DAZAP1: variants seen among roughly 807,000 people sequenced by gnomAD.
DAZAP1 encodes DAZ-associated protein 1.
DAZAP1 carries 6 observed loss-of-function variants against 60.1 expected under a neutral mutation model. The observed-to-expected ratio is 0.10, with a 90% CI of 0.05 to 0.20. The LOEUF (loss-of-function observed/expected upper bound fraction) is 0.20. Ranked by LOEUF, DAZAP1 falls within the 10% of genes least tolerant of loss-of-function variation. The probability of loss-of-function intolerance (pLI) is 1.00; values close to 1 mark genes in which losing one functional copy is unlikely to be tolerated. For synonymous variants in DAZAP1, 235 were observed against 215.9 expected (o/e 1.09, Z -0.78); for missense variants, 366 against 560.4 (o/e 0.65, Z 3.50).
At chr19:1,431,546 C>G (rs2083453279) in intron 10 of DAZAP1, among the ~76,000 whole-genome samples, 1 of 152,154 alleles carries the variant, frequency 6.6e-6, no homozygotes, top group South Asian at 2.1e-4. Context: ...TCTCCTGCCT[C>G]AGTGTCCTGA....
chr19:1,424,407 C>T (rs2083254145), intron 6 of DAZAP1, among the ~76,000 whole-genome samples: 1 of 146,154 alleles, frequency 6.8e-6, no homozygotes, highest in African/African-American at 2.5e-5. Flanking sequence ...CACAGTCACG[C>T]TCAGGTGCAC....
intron 1 of DAZAP1, 95 bp downstream of exon 1, chr19:1,407,897 C>A (rs1460334812): frequency 4.0e-6 from 4 of 1,002,940 alleles, no homozygotes; most frequent in Non-Finnish European, 4.8e-6. Context: ...GGGGCCGCCC[C>A]GTCAAGGTCA....
chr19:1,410,369 A>G (rs746902592), intron 1 of DAZAP1, among the ~76,000 whole-genome samples: 14 of 152,250 alleles, frequency 9.2e-5, no homozygotes, highest in Middle Eastern at 3.4e-3. Flanking sequence ...TGTGATGGAC[A>G]GTGTCCTCCT....
At chr19:1,430,808 C>T (rs1000647574) in intron 10 of DAZAP1, among the ~76,000 whole-genome samples, 2 of 151,644 alleles carry the variant, frequency 1.3e-5, no homozygotes, top group Admixed American at 1.3e-4. Context: ...GCAAGCTCCG[C>T]CTCCTGGGTT....
rs1371087749 is a variant in DAZAP1 at position 1,423,359 on chromosome 19, T to G, written c.463+963T>G. Among the ~76,000 whole-genome samples the G allele has an allele frequency of 6.6e-6, 1 of 152,266 alleles. No individual in the cohort carries two copies. The highest frequency in any genetic ancestry group is 1.9e-4 in the East Asian group (1 of 5,208). On this transcript the variant is annotated intron_variant, in intron 6 of 11. Coordinates refer to ENST00000233078, the MANE Select transcript of DAZAP1 (RefSeq NM_018959.4). The surrounding 1 kb of genome is among the most constrained non-coding windows in gnomAD (Gnocchi z 6.8). The stretch of plus-strand genomic sequence containing the variant: ...GTTTCATAGTAAAGTACAGTGATGT[T>G]AAGTAAGCTGTTTTTCCTTTTCTCT...
chr19:1,421,394 C>T, intron 5 of DAZAP1, 136 bp downstream of exon 5: 4 of 719,712 alleles, frequency 5.6e-6, no homozygotes, highest in Non-Finnish European at 9.3e-6. Context: ...CTCGTATTTC[C>T]CCAACGCCTG....
At position 1,432,162 on chromosome 19, in the gene DAZAP1, T is replaced by C. The variant is rs369395758; in HGVS notation, c.872-352T>C. 7 of 316,638 alleles carry C rather than the reference T, an allele frequency of 2.2e-5. No homozygotes were observed. In the East Asian group the frequency reaches 5.2e-4, roughly 24 times the overall value. 19.6% of individuals were successfully genotyped at this position (316,638 alleles called of 1,614,324 possible). On this transcript the variant is annotated intron_variant, in intron 10 of 11. Coordinates refer to ENST00000233078, the MANE Select transcript of DAZAP1 (RefSeq NM_018959.4). This position sits in a 1 kb window ranked among gnomAD's most constrained non-coding sequence, Gnocchi z 4.9. The stretch of plus-strand genomic sequence containing the variant: ...CTGGCAGCTTCCTAAACATGGGGAC[T>C]GGGCATGGTGGCAGGTTTTTGTCCT...
intron 4 of DAZAP1, among the ~76,000 whole-genome samples, chr19:1,420,544 A>T (rs1292891297): frequency 6.6e-6 from 1 of 151,458 alleles, no homozygotes; most frequent in Non-Finnish European, 1.5e-5. Context: ...CCCAGCCCTA[A>T]GGGCAGCCCG....
chr19:1,433,538 C>G lies in DAZAP1; in HGVS notation c.1048+848C>G. 10 of 558,714 alleles carry G rather than the reference C, an allele frequency of 1.8e-5. No homozygotes were observed. Among genetic ancestry groups the G allele is most frequent in the East Asian group, 9.3e-5 (3 of 32,396 alleles). 34.6% of individuals were successfully genotyped at this position (558,714 alleles called of 1,614,324 possible). A position where few individuals can be genotyped will look rare whatever the true frequency, so the allele number is the denominator to read the frequency against. Reference sequence around the variant, plus strand: ...GTGCCCGCCCACCCACCTCGCATGGCTGTGGTTCCCCTGCCCCCACGCCCA... The same window carrying G: ...GTGCCCGCCCACCCACCTCGCATGGGTGTGGTTCCCCTGCCCCCACGCCCA... On this transcript the variant is annotated intron_variant, in intron 11 of 11. Transcript: ENST00000233078. This position sits in a 1 kb window ranked among gnomAD's most constrained non-coding sequence, Gnocchi z 6.1.
Position 1,433,566 on chromosome 19 carries a change from C to T in DAZAP1, c.1048+876C>T, listed in dbSNP as rs2083511651. 1.7e-6 allele frequency: 1 copy of T among 594,498 alleles called. No homozygotes were observed. Among genetic ancestry groups the T allele is most frequent in the Admixed American group, 2.9e-5 (1 of 33,920 alleles). 36.8% of individuals were successfully genotyped at this position (594,498 alleles called of 1,614,324 possible). On this transcript the variant is annotated intron_variant, in intron 11 of 11. Coordinates refer to ENST00000233078, the MANE Select transcript of DAZAP1 (RefSeq NM_018959.4). This position sits in a 1 kb window ranked among gnomAD's most constrained non-coding sequence, Gnocchi z 6.1. ...TGGTTCCCCTGCCCCCACGCCCAGG[C>T]CTTGGGCCGAGGTTGCCGCATGTGT...
rs866425469 is a variant in DAZAP1, at chr19:1,422,486, G to A, written c.463+90G>A. 31 of 1,313,686 alleles carry A rather than the reference G, an allele frequency of 2.4e-5. No individual in the cohort carries two copies. Among genetic ancestry groups the A allele is most frequent in the Middle Eastern group, 1.8e-4 (1 of 5,418 alleles). 81.4% of individuals were successfully genotyped at this position (1,313,686 alleles called of 1,614,324 possible). ...CACCCGCCAGGCACACACAGGTGGC[G>A]GCTGTAGCAAACAGCCTCAGGAAGG... On this transcript the variant is annotated intron_variant, in intron 6 of 11. Coordinates refer to ENST00000233078, the MANE Select transcript of DAZAP1 (RefSeq NM_018959.4). This position sits in a 1 kb window ranked among gnomAD's most constrained non-coding sequence, Gnocchi z 4.5.
chr19:1,423,710 C>T lies in DAZAP1; in HGVS notation c.463+1314C>T, dbSNP rs981258789. Among the ~76,000 whole-genome samples the T allele has an allele frequency of 1.3e-5, 2 of 152,252 alleles. No homozygotes were observed. Among genetic ancestry groups the T allele is most frequent in the Admixed American group, 1.3e-4 (2 of 15,292 alleles). On this transcript the variant is annotated intron_variant, in intron 6 of 11. Coordinates refer to ENST00000233078, the MANE Select transcript of DAZAP1 (RefSeq NM_018959.4). The surrounding 1 kb of genome is among the most constrained non-coding windows in gnomAD (Gnocchi z 6.8). ...ACTTCTAAATACGTTGTTTCATCAC[C>T]GATGCTGTGTTCCAATACTGCCTCT... is the stretch of plus-strand genomic sequence containing the variant.
chr19:1,415,859 G>T (rs563963406), intron 1 of DAZAP1: 4 of 152,302 alleles, frequency 2.6e-5, no homozygotes, highest in African/African-American at 9.6e-5. Context: ...AATTCTTCCC[G>T]CCTCAGCCCT....
rs758162939 is a variant in DAZAP1 at position 1,434,027 on chromosome 19, G to A, written c.1049-710G>A. On this transcript the variant is annotated intron_variant, in intron 11 of 11. Transcript: ENST00000233078. The surrounding 1 kb of genome is among the most constrained non-coding windows in gnomAD (Gnocchi z 8.0). ...AGAGCCCACGCCCACCTGTGCCCAC[G>A]TGCACCCGAATGGGAACCCAGAGGT... The A allele has an allele frequency of 4.0e-5, 24 of 593,372 alleles. 1 individual carries two copies. Among genetic ancestry groups the A allele is most frequent in the African/African-American group, 3.0e-4 (16 of 53,516 alleles). The allele number at this position is 593,372 out of a possible 1,614,324, so 36.8% of individuals were successfully genotyped here. A position where few individuals can be genotyped will look rare whatever the true frequency, so the allele number is the denominator to read the frequency against.
rs2083561689 is a variant in DAZAP1, at chr19:1,435,008, C to A, written c.*96C>A. ...ACTTGGCGGCAAAGTGGCGACTCAA[C>A]CTTGGGGGGGGGGGCGGGGGGAGGG... On this transcript the variant is annotated 3_prime_UTR_variant, in exon 12 of 12. Transcript: ENST00000233078. 1 of 260,456 alleles carries A rather than the reference C, an allele frequency of 3.8e-6. No homozygotes were observed. The highest frequency in any genetic ancestry group is 1.8e-4 in the South Asian group (1 of 5,476). 16.1% of individuals were successfully genotyped at this position (260,456 alleles called of 1,614,324 possible). A position where few individuals can be genotyped will look rare whatever the true frequency, so the allele number is the denominator to read the frequency against.
At chr19:1,427,616 G>A (rs773705794) in intron 7 of DAZAP1, 1 of 152,236 alleles carries the variant, frequency 6.6e-6, no homozygotes, top group African/African-American at 2.4e-5. Context: ...TACAAGGACC[G>A]CTCTGCTTTG....
chr19:1,425,797 G>A lies in DAZAP1; in HGVS notation c.464-81G>A, dbSNP rs2083293410. 4.9e-6 allele frequency: 5 copies of A among 1,013,248 alleles called. No individual in the cohort carries two copies. Among genetic ancestry groups the A allele is most frequent in the Admixed American group, 3.4e-5 (2 of 58,932 alleles). 62.8% of individuals were successfully genotyped at this position (1,013,248 alleles called of 1,614,324 possible). A position where few individuals can be genotyped will look rare whatever the true frequency, so the allele number is the denominator to read the frequency against. On this transcript the variant is annotated intron_variant, in intron 6 of 11. Transcript: ENST00000233078. The surrounding 1 kb of genome is among the most constrained non-coding windows in gnomAD (Gnocchi z 5.4). ...AGCTGAAACCCAAGGTCGATCCCTCGGCCCGTCCCTAATACTGTTCATCAT... is the reference window on the plus strand; with the variant it reads ...AGCTGAAACCCAAGGTCGATCCCTCAGCCCGTCCCTAATACTGTTCATCAT...
chr19:1,422,336 C>T lies in DAZAP1; in HGVS notation c.415-12C>T. 1 of 1,613,912 alleles carries T rather than the reference C, an allele frequency of 6.2e-7. No individual in the cohort carries two copies. Among genetic ancestry groups the T allele is most frequent in the South Asian group, 1.1e-5 (1 of 91,064 alleles). On this transcript the variant is annotated splice_polypyrimidine_tract_variant and intron_variant, in intron 5 of 11. Coordinates refer to ENST00000233078, the MANE Select transcript of DAZAP1 (RefSeq NM_018959.4). This position sits in a 1 kb window ranked among gnomAD's most constrained non-coding sequence, Gnocchi z 4.5. ...CCCTGGTGTCCGTGCTGACGCCACC[C>T]TCTCCTTCCAGGTCACGGAGGTAGT...
intron 1 of DAZAP1, among the ~76,000 whole-genome samples, chr19:1,411,433 T>A (rs139000257): frequency 6.6e-6 from 1 of 152,340 alleles, no homozygotes; most frequent in East Asian, 1.9e-4. Flanking sequence ...GCTTTTGGCC[T>A]GGTTGCCCCT....
Sources: allele counts gnomAD v4.1 joint callset (sites outside exome capture counted in the v4.1 genomes callset), GRCh38; gene constraint gnomAD v4.1.1; non-coding constraint Gnocchi (gnomAD v3.1); transcripts MANE v1.5; gene names NCBI Gene and HGNC (gene_info 2026-07-23, HGNC 2026-07-21).